The following SAXO3 variants were observed in gnomAD, a reference collection of about 807,000 sequenced individuals.
The protein encoded by SAXO3 is CTB-60B18.10.
chr19:49,018,473 C>T, the SAXO3 span: 1 of 511,146 alleles, frequency 2.0e-6, no homozygotes, highest in East Asian at 3.5e-5. Flanking sequence ...AGGACGCGAC[C>T]CGGCACGCGT....
the SAXO3 span, chr19:49,019,338 G>C: frequency 1.7e-5 from 20 of 1,174,806 alleles, no homozygotes; most frequent in Non-Finnish European, 2.0e-5. Context: ...GAGCTGAGCT[G>C]CATCTTGGGC....
At chr19:49,019,661 C>T in the SAXO3 span, 3 of 1,262,064 alleles carry the variant, frequency 2.4e-6, no homozygotes, top group African/African-American at 1.6e-5. Context: ...GAAGGACCCC[C>T]GCGGTGGTGG....
the SAXO3 span, chr19:49,019,519 G>C: frequency 8.5e-7 from 1 of 1,171,268 alleles, no homozygotes; most frequent in Non-Finnish European, 1.1e-6. Flanking sequence ...CCCTCCCCCG[G>C]CTCCTCTAAC....
chr19:49,020,467 C>T, the SAXO3 span: 1 of 399,024 alleles, frequency 2.5e-6, no homozygotes, highest in Middle Eastern at 6.3e-4. Flanking sequence ...GATCCAGGTA[C>T]CTCGGTTGCA....
At chr19:49,019,092 C>G in the SAXO3 span, 1 of 1,444,420 alleles carries the variant, frequency 6.9e-7, no homozygotes, top group Middle Eastern at 2.5e-4. Flanking sequence ...CCCTCTCCTT[C>G]GGCCTCGACA....
the SAXO3 span, chr19:49,020,304 A>G: frequency 1.0e-3 from 431 of 429,516 alleles, 4 homozygotes; most frequent in East Asian, 0.012. Context: ...CAAGCTCCCA[A>G]TCCGCTTTAT....
the SAXO3 span, chr19:49,018,248 G>T: frequency 4.9e-5 from 43 of 874,112 alleles, no homozygotes; most frequent in Admixed American, 3.0e-4. Context: ...CGGACAGGGC[G>T]GCCGCTGCGG....
At chr19:49,018,011 G>A in the SAXO3 span, 2 of 398,542 alleles carry the variant, frequency 5.0e-6, no homozygotes, top group Admixed American at 8.8e-5. Flanking sequence ...GGAGTTCTCG[G>A]TACTGTAGGC....
the SAXO3 span, chr19:49,019,393 CAG>C: frequency 8.0e-7 from 1 of 1,254,500 alleles, no homozygotes; most frequent in South Asian, 3.5e-5. Context: ...GACCCCGTCT[CAG>C]AATATTCTAG....
At chr19:49,019,371 C>T in the SAXO3 span, 1 of 1,243,316 alleles carries the variant, frequency 8.0e-7, no homozygotes, top group Non-Finnish European at 1.0e-6. Context: ...TTACCTCTCC[C>T]AACTCCCACC....
chr19:49,020,360 G>C, the SAXO3 span: 3 of 412,124 alleles, frequency 7.3e-6, no homozygotes, highest in Non-Finnish European at 1.3e-5. Flanking sequence ...GGGCTGCAGC[G>C]TAGGGTCCGC....
the SAXO3 span, chr19:49,020,250 C>G: frequency 2.1e-6 from 1 of 466,396 alleles, no homozygotes; most frequent in Non-Finnish European, 3.7e-6. Context: ...TGCCTCCTCT[C>G]TCAGACCCAG....
chr19:49,018,803 A>G, the SAXO3 span: 26 of 1,338,462 alleles, frequency 1.9e-5, no homozygotes, highest in Non-Finnish European at 2.4e-5. Flanking sequence ...GAGCCAGCCC[A>G]GGGGCTCGGC....
chr19:49,019,828 A>T, the SAXO3 span: 1 of 1,268,258 alleles, frequency 7.9e-7, no homozygotes, highest in Non-Finnish European at 1.0e-6. Context: ...GGCGACCCAG[A>T]GACTCACGTG....
the SAXO3 span, chr19:49,019,321 G>T: frequency 4.3e-6 from 5 of 1,176,222 alleles, no homozygotes; most frequent in Non-Finnish European, 5.4e-6. Flanking sequence ...TCTTGGTGTG[G>T]CCACTGGAGC....
At chr19:49,019,650 G>A in the SAXO3 span, 1 of 1,264,010 alleles carries the variant, frequency 7.9e-7, no homozygotes, top group Non-Finnish European at 1.0e-6. Flanking sequence ...CAGACACCTG[G>A]GAAGGACCCC....
the SAXO3 span, chr19:49,018,753 C>T: frequency 3.5e-6 from 3 of 861,902 alleles, no homozygotes; most frequent in South Asian, 4.9e-5. Flanking sequence ...GTTCTTGCTG[C>T]TACAGAAGTC....
At chr19:49,020,471 G>A in the SAXO3 span, 2 of 398,984 alleles carry the variant, frequency 5.0e-6, no homozygotes, top group African/African-American at 4.1e-5. Flanking sequence ...CAGGTACCTC[G>A]GTTGCAGAGA....
the SAXO3 span, chr19:49,018,338 G>C: frequency 2.1e-5 from 25 of 1,218,206 alleles, no homozygotes; most frequent in Non-Finnish European, 2.6e-5. Context: ...GGACAGCTCC[G>C]TCCTGTGGGA....
Sources: gnomAD v4.1 joint callset for allele counts on GRCh38, gnomAD v4.1.1 for gene constraint, MANE v1.5 for transcripts, NCBI Gene and HGNC (gene_info 2026-07-23, HGNC 2026-07-21) for gene names.